The following PHLPP1 variants were observed in gnomAD, a reference collection of about 807,000 sequenced individuals.
PHLPP1 encodes PH domain and leucine rich repeat protein phosphatase 1.
In PHLPP1, 42 loss-of-function variants were observed where a neutral mutation model predicts 117.2. That is an observed-to-expected ratio of 0.36 (90% confidence interval 0.28 to 0.46). The LOEUF (loss-of-function observed/expected upper bound fraction) is 0.46, where lower values mean the gene tolerates loss of function less well. Among genes scored for constraint, PHLPP1 ranks in the 20% least tolerant of loss-of-function variants. The pLI, the probability that PHLPP1 is intolerant of heterozygous loss-of-function variation, is 1.00. For missense variants in PHLPP1, 2,084 were observed against 2,241.9 expected (o/e 0.93, Z 1.42); for synonymous variants, 1,042 against 970.7 (o/e 1.07, Z -1.37).
chr18:62,967,218 G>GT (rs1382970174), intron 14 of PHLPP1, among the ~76,000 whole-genome samples: 8 of 152,198 alleles, frequency 5.3e-5, no homozygotes, highest in Non-Finnish European at 1.2e-4. Flanking sequence ...TTACATACAG[G>GT]TTTTTTATGA....
chr18:62,795,346 C>T (rs1440642566), intron 1 of PHLPP1, among the ~76,000 whole-genome samples: 6 of 151,486 alleles, frequency 4.0e-5, no homozygotes, highest in Non-Finnish European at 8.8e-5. Context: ...GGAGTGGTGG[C>T]GTGCGCCTGT....
At chr18:62,823,618 C>A (rs1236664920) in intron 1 of PHLPP1, among the ~76,000 whole-genome samples, 1 of 149,322 alleles carries the variant, frequency 6.7e-6, no homozygotes. Flanking sequence ...ATATATATAT[C>A]TACATATATA....
At chr18:62,864,355 A>G (rs1484687207) in intron 4 of PHLPP1, among the ~76,000 whole-genome samples, 1 of 152,172 alleles carries the variant, frequency 6.6e-6, no homozygotes, top group Non-Finnish European at 1.5e-5. Flanking sequence ...CTTTAATCCT[A>G]AGGGTTGTAG....
chr18:62,803,794 T>G (rs1254700741), intron 1 of PHLPP1, among the ~76,000 whole-genome samples: 3 of 152,226 alleles, frequency 2.0e-5, no homozygotes, highest in Non-Finnish European at 4.4e-5. Context: ...ATTATACCAG[T>G]TTATATTTCC....
Position 62,962,768 on chromosome 18 carries a change from T to C in PHLPP1, c.3456-600T>C, listed in dbSNP as rs144166942. ...CTTGTAATTTATTAAATACCCTTCA[T>C]TTGCTTTGTAATTTTACATATATGT... On this transcript the variant is annotated intron_variant, in intron 13 of 16. Transcript: ENST00000262719. Among the ~76,000 whole-genome samples, 135 of 152,224 alleles carry C rather than the reference T, an allele frequency of 8.9e-4. 1 individual carries two copies. In the East Asian group the frequency reaches 0.017, roughly 19 times the overall value.
chr18:62,930,485 A>C (rs1054932680), intron 10 of PHLPP1, among the ~76,000 whole-genome samples: 44 of 152,154 alleles, frequency 2.9e-4, no homozygotes, highest in African/African-American at 9.9e-4. Flanking sequence ...TGCATTATAT[A>C]ATAAAGGGTT....
chr18:62,809,854 A>G (rs528028170), intron 1 of PHLPP1, among the ~76,000 whole-genome samples: 11 of 152,346 alleles, frequency 7.2e-5, no homozygotes, highest in Non-Finnish European at 1.3e-4. Flanking sequence ...TTTACAATGA[A>G]TATGCGGATC....
intron 1 of PHLPP1, among the ~76,000 whole-genome samples, chr18:62,724,422 C>T (rs1411843734): frequency 6.6e-6 from 1 of 152,126 alleles, no homozygotes; most frequent in African/African-American, 2.4e-5. Context: ...TGCACTGTTA[C>T]TTTGGACAGG....
intron 2 of PHLPP1, chr18:62,832,180 T>C (rs747412848): frequency 4.6e-5 from 7 of 152,220 alleles, no homozygotes; most frequent in Non-Finnish European, 1.0e-4. Context: ...ACCCCAGAAA[T>C]ACTAACATAG....
chr18:62,939,531 A>G (rs1910068514), intron 10 of PHLPP1, among the ~76,000 whole-genome samples: 2 of 152,134 alleles, frequency 1.3e-5, no homozygotes. Flanking sequence ...TCCTACTTCA[A>G]AACCATTTCA....
intron 1 of PHLPP1, among the ~76,000 whole-genome samples, chr18:62,803,910 G>T (rs550873837): frequency 1.3e-5 from 2 of 152,214 alleles, no homozygotes; most frequent in Admixed American, 6.5e-5. Flanking sequence ...GGCTCATTGT[G>T]ATTTTAATTC....
chr18:62,740,985 A>G (rs925183945), intron 1 of PHLPP1, among the ~76,000 whole-genome samples: 4 of 152,218 alleles, frequency 2.6e-5, no homozygotes, highest in Non-Finnish European at 5.9e-5. Flanking sequence ...AAAAGAAGAA[A>G]AAAAAAAGAA....
chr18:62,821,165 C>T (rs1599064852), intron 1 of PHLPP1, among the ~76,000 whole-genome samples: 1 of 152,186 alleles, frequency 6.6e-6, no homozygotes, highest in Admixed American at 6.5e-5. Flanking sequence ...AGTGCGTTGG[C>T]TCACGCCTGT....
chr18:62,738,231 C>A (rs182756709), intron 1 of PHLPP1, among the ~76,000 whole-genome samples: 15 of 151,844 alleles, frequency 9.9e-5, no homozygotes, highest in Non-Finnish European at 1.9e-4. Context: ...TGGCACATGC[C>A]TGTAGTCCCA....
intron 12 of PHLPP1, among the ~76,000 whole-genome samples, chr18:62,947,556 C>A (rs1428107252): frequency 2.6e-5 from 4 of 152,162 alleles, no homozygotes; most frequent in Non-Finnish European, 5.9e-5. Flanking sequence ...GGTTGTTAAA[C>A]TGGTCTCTAT....
rs1913655860 is a variant in PHLPP1 at position 62,797,361 on chromosome 18, A to ATGTGTCCCCATGGACAATGCTC, written c.1577-32662_1577-32641dup. ...TGTTGTAGGTGCCCAAGATATATCC[A>ATGTGTCCCCATGGACAATGCTC]TGTGTCCCCATGGACAATGCTCTGT... On this transcript the variant is annotated intron_variant, in intron 1 of 16. Transcript: ENST00000262719. Among the ~76,000 whole-genome samples, 3 of 152,306 alleles carry ATGTGTCCCCATGGACAATGCTC rather than the reference A, an allele frequency of 2.0e-5. No individual in the cohort carries two copies. The East Asian group carries it at 5.8e-4, about 29-fold the overall frequency.
chr18:62,771,499 G>A (rs747159247), intron 1 of PHLPP1, among the ~76,000 whole-genome samples: 22 of 152,242 alleles, frequency 1.4e-4, no homozygotes, highest in Middle Eastern at 3.4e-3. Context: ...AATGAACAAT[G>A]GCAGGTTTTT....
intron 13 of PHLPP1, 122 bp from the exon 14 acceptor site, chr18:62,963,246 G>A (rs1216438227): frequency 1.1e-5 from 7 of 616,606 alleles, no homozygotes; most frequent in East Asian, 8.7e-5. Flanking sequence ...CACATTAAAC[G>A]CAGTAAGAAA....
chr18:62,928,618 T>G (rs936406108), intron 10 of PHLPP1, among the ~76,000 whole-genome samples: 1 of 152,166 alleles, frequency 6.6e-6, no homozygotes, highest in Non-Finnish European at 1.5e-5. Context: ...CTCAAATAAT[T>G]AAACACAATA....
Sources: allele counts gnomAD v4.1 joint callset (sites outside exome capture counted in the v4.1 genomes callset), GRCh38; gene constraint gnomAD v4.1.1; transcripts MANE v1.5; gene names NCBI Gene and HGNC (gene_info 2026-07-23, HGNC 2026-07-21).